The following CTNND2 variants were observed in gnomAD, a reference collection of about 807,000 sequenced individuals.
CTNND2 encodes catenin delta-2.
Under a neutral mutation model 144.4 loss-of-function variants are expected in CTNND2, and 22 were observed. The observed-to-expected ratio is 0.15, with a 90% CI of 0.11 to 0.22. The LOEUF is 0.22. Ranked by LOEUF, CTNND2 falls within the 10% of genes least tolerant of loss-of-function variation. The pLI is 1.00. For missense variants in CTNND2, 1,353 were observed against 1,618.8 expected, an observed-to-expected ratio of 0.84 and a Z score of 2.82; for synonymous variants, 751 against 695.6, an observed-to-expected ratio of 1.08 and a Z score of -1.25.
intron 10 of CTNND2, among the ~76,000 whole-genome samples, chr5:11,226,274 T>C (rs1740342190): frequency 6.6e-6 from 1 of 152,194 alleles, no homozygotes; most frequent in Non-Finnish European, 1.5e-5. Flanking sequence ...CCGAGGCTAC[T>C]TCTCAGAGAT....
chr5:11,566,154 A>T (rs1777079074), intron 2 of CTNND2, among the ~76,000 whole-genome samples: 1 of 152,206 alleles, frequency 6.6e-6, no homozygotes, highest in African/African-American at 2.4e-5. Context: ...ATACATTAAA[A>T]ATATCCTGGC....
chr5:11,872,380 A>G (rs1249495850), intron 1 of CTNND2, among the ~76,000 whole-genome samples: 2 of 152,140 alleles, frequency 1.3e-5, no homozygotes, highest in African/African-American at 4.8e-5. Context: ...ATGATTTACA[A>G]TCCTTTGAAT....
chr5:11,437,220 C>G (rs1464779721), intron 3 of CTNND2, among the ~76,000 whole-genome samples: 1 of 152,154 alleles, frequency 6.6e-6, no homozygotes, highest in South Asian at 2.1e-4. Flanking sequence ...ATATTCATGA[C>G]AGTAATTCTC....
At chr5:11,183,441 C>T (rs568911604) in intron 11 of CTNND2, among the ~76,000 whole-genome samples, 1 of 152,148 alleles carries the variant, frequency 6.6e-6, no homozygotes. Flanking sequence ...TCAGAAAATG[C>T]CCCAAGGTCA....
At chr5:11,538,395 A>T (rs1354149032) in intron 3 of CTNND2, among the ~76,000 whole-genome samples, 1 of 152,202 alleles carries the variant, frequency 6.6e-6, no homozygotes, top group Admixed American at 6.5e-5. Flanking sequence ...ACCTGAATTC[A>T]TTCAACTCTT....
chr5:10,999,820 T>G (rs1739737776), intron 18 of CTNND2, among the ~76,000 whole-genome samples: 1 of 152,216 alleles, frequency 6.6e-6, no homozygotes, highest in Non-Finnish European at 1.5e-5. Context: ...CTTACACCCT[T>G]TAGCTGTCCC....
intron 16 of CTNND2, among the ~76,000 whole-genome samples, chr5:11,058,630 C>T (rs542882169): frequency 6.6e-6 from 1 of 152,354 alleles, no homozygotes; most frequent in East Asian, 1.9e-4. Context: ...CCTACTGGGG[C>T]ACCACCTAGC....
chr5:11,897,992 C>T (rs1460144175), intron 1 of CTNND2, among the ~76,000 whole-genome samples: 1 of 152,230 alleles, frequency 6.6e-6, no homozygotes, highest in African/African-American at 2.4e-5. Flanking sequence ...TGCTGCTTCT[C>T]TCTTCCTCTG....
At chr5:11,383,265 G>A (rs1206124253) in intron 7 of CTNND2, among the ~76,000 whole-genome samples, 2 of 152,168 alleles carry the variant, frequency 1.3e-5, no homozygotes, top group Non-Finnish European at 2.9e-5. Context: ...GCGCATGGCT[G>A]AGAAGGGTGT....
chr5:11,791,726 T>G (rs1297993572), intron 1 of CTNND2, among the ~76,000 whole-genome samples: 1 of 152,250 alleles, frequency 6.6e-6, no homozygotes, highest in Middle Eastern at 3.2e-3. Flanking sequence ...TTGAGGCTCT[T>G]TCTTGCCTCA....
At chr5:11,550,623 A>G (rs1176027266) in intron 3 of CTNND2, among the ~76,000 whole-genome samples, 4 of 152,188 alleles carry the variant, frequency 2.6e-5, no homozygotes, top group African/African-American at 9.7e-5. Context: ...CTAAACAAAC[A>G]GATGTGTGAG....
chr5:11,406,153 T>A (rs1430700079), intron 5 of CTNND2, among the ~76,000 whole-genome samples: 1 of 152,000 alleles, frequency 6.6e-6, no homozygotes, highest in Non-Finnish European at 1.5e-5. Flanking sequence ...ATCTCATAAG[T>A]AAGTAAATAA....
intron 8 of CTNND2, among the ~76,000 whole-genome samples, chr5:11,363,815 AG>A (rs1329666556): frequency 6.6e-6 from 1 of 152,218 alleles, no homozygotes; most frequent in African/African-American, 2.4e-5. Context: ...TCTGCGTGCC[AG>A]GTTCTGAAGC....
At chr5:11,243,471 A>G (rs1167273119) in intron 9 of CTNND2, among the ~76,000 whole-genome samples, 1 of 152,232 alleles carries the variant, frequency 6.6e-6, no homozygotes, top group Non-Finnish European at 1.5e-5. Context: ...TGGGCTCTCT[A>G]GAAATGTCAG....
At chr5:11,544,181 TC>T (rs1440489509) in intron 3 of CTNND2, among the ~76,000 whole-genome samples, 66 of 151,394 alleles carry the variant, frequency 4.4e-4, no homozygotes, top group African/African-American at 1.6e-3. Context: ...ATTTTTTTTT[TC>T]TTTTTTTTTT....
intron 2 of CTNND2, among the ~76,000 whole-genome samples, chr5:11,596,419 C>G (rs1779505250): frequency 6.6e-6 from 1 of 152,122 alleles, no homozygotes; most frequent in Admixed American, 6.6e-5. Context: ...TTGGCTGAGG[C>G]ACCTAAGGAA....
chr5:11,687,505 C>T (rs1248635687), intron 2 of CTNND2, among the ~76,000 whole-genome samples: 2 of 152,228 alleles, frequency 1.3e-5, no homozygotes, highest in Non-Finnish European at 2.9e-5. Flanking sequence ...TGTGGGCAAG[C>T]TACTACACCT....
At chr5:11,841,034 C>A (rs1223981900) in intron 1 of CTNND2, among the ~76,000 whole-genome samples, 1 of 152,054 alleles carries the variant, frequency 6.6e-6, no homozygotes, top group Non-Finnish European at 1.5e-5. Flanking sequence ...TCACCAGAAA[C>A]CTATAAGGCC....
chr5:11,435,791 T>C (rs2149882702), intron 3 of CTNND2, among the ~76,000 whole-genome samples: 1 of 152,286 alleles, frequency 6.6e-6, no homozygotes, highest in South Asian at 2.1e-4. Context: ...TCAAGGGACT[T>C]TAGGAACACA....
Sources: allele counts gnomAD v4.1 joint callset (sites outside exome capture counted in the v4.1 genomes callset), GRCh38; gene constraint gnomAD v4.1.1; transcripts MANE v1.5; gene names NCBI Gene and HGNC (gene_info 2026-07-23, HGNC 2026-07-21).